FRMPD4: variants seen among roughly 807,000 people sequenced by gnomAD.
FRMPD4 encodes the protein FERM and PDZ domain-containing protein 4.
Under a neutral mutation model 94.1 loss-of-function variants are expected in FRMPD4, and 22 were observed. The ratio of observed to expected loss-of-function variants is 0.23; its 90% CI spans 0.17 to 0.33. The LOEUF is 0.33. Among genes scored for constraint, FRMPD4 ranks in the 10% least tolerant of loss-of-function variants. FRMPD4 has a pLI of 1.00. For synonymous variants in FRMPD4, 631 were observed against 548.6 expected (o/e 1.15, Z -2.10); for missense variants, 1,111 against 1,339.9 (o/e 0.83, Z 2.67).
At chrX:12,114,343 C>A (rs1459569214) in intron 3 of FRMPD4, among the ~76,000 whole-genome samples, 1 of 110,945 alleles carries the variant, frequency 9.0e-6, no homozygotes, top group African/African-American at 3.3e-5. Context: ...GTCGTTTTAG[C>A]GTATGTTTTG....
intron 3 of FRMPD4, among the ~76,000 whole-genome samples, chrX:12,106,546 A>G (rs1011794388): frequency 1.8e-5 from 2 of 111,038 alleles, no homozygotes; most frequent in African/African-American, 3.3e-5. Flanking sequence ...GGCTTGTCGG[A>G]CAGTAGGGGC....
At chrX:12,608,066 T>C in intron 2 of FRMPD4, among the ~76,000 whole-genome samples, 1 of 112,886 alleles carries the variant, frequency 8.9e-6, no homozygotes, top group Non-Finnish European at 1.9e-5. Context: ...TTGAAGAAGA[T>C]TACAGGGAGA....
intron 1 of FRMPD4, among the ~76,000 whole-genome samples, chrX:12,249,359 G>C (rs980131867): frequency 9.0e-6 from 1 of 111,474 alleles, no homozygotes; most frequent in Non-Finnish European, 1.9e-5. Flanking sequence ...ATAGAGAAAA[G>C]GTGGTGTTAA....
At chrX:12,179,248 T>G (rs865794377) in intron 1 of FRMPD4, among the ~76,000 whole-genome samples, 1 of 111,215 alleles carries the variant, frequency 9.0e-6, no homozygotes, top group South Asian at 3.9e-4. Context: ...GACCTAGCTT[T>G]GGAAGGTATA....
intron 1 of FRMPD4, among the ~76,000 whole-genome samples, chrX:11,831,241 G>A (rs1002187672): frequency 2.1e-4 from 23 of 110,851 alleles, no homozygotes; most frequent in Non-Finnish European, 3.2e-4. Flanking sequence ...AACTTAAAGC[G>A]GAATATTACA....
Position 12,138,864 on chromosome X carries a change from C to A in FRMPD4, c.-108C>A. 1.6e-6 allele frequency: 1 copy of A among 622,941 alleles called. No individual in the cohort carries two copies. Among genetic ancestry groups the A allele is most frequent in the Non-Finnish European group, 2.3e-6 (1 of 439,116 alleles). 51.3% of individuals were successfully genotyped at this position (622,941 alleles called of 1,213,427 possible). A position where few individuals can be genotyped will look rare whatever the true frequency, so the allele number is the denominator to read the frequency against. On this transcript the variant is annotated 5_prime_UTR_variant, in exon 1 of 17. An upstream open reading frame in the 5' UTR gains an earlier in-frame stop. Transcript: ENST00000675598. ...GCCGCCACCCGCTGTCGCCGCGACTCGAGCCCCGGGCGCACTGAGGTCTTG... is the reference window on the plus strand; with the variant it reads ...GCCGCCACCCGCTGTCGCCGCGACTAGAGCCCCGGGCGCACTGAGGTCTTG...
intron 1 of FRMPD4, among the ~76,000 whole-genome samples, chrX:12,239,563 TCTC>T (rs1235670952): frequency 2.7e-5 from 3 of 112,288 alleles, no homozygotes; most frequent in African/African-American, 9.7e-5. Context: ...AAGATTTTCT[TCTC>T]CACACAGTCA....
In FRMPD4 at chrX:12,596,124, G is replaced by A. The variant is rs927321597; in HGVS notation, c.159-13597G>A. Among the ~76,000 whole-genome samples, 8 of 111,153 alleles carry A rather than the reference G, an allele frequency of 7.2e-5. 1 individual carries two copies. The highest frequency in any genetic ancestry group is 5.7e-4 in the Admixed American group (6 of 10,436). ...GCAAATTACAGGCTATATGAGGGTCGGATACCTGATTCATCTCTTGAGCTC... is the reference window on the plus strand; with the variant it reads ...GCAAATTACAGGCTATATGAGGGTCAGATACCTGATTCATCTCTTGAGCTC... On this transcript the variant is annotated intron_variant, in intron 2 of 16. Transcript: ENST00000675598.
chrX:12,103,584 A>G (rs747938063), intron 3 of FRMPD4, among the ~76,000 whole-genome samples: 17 of 112,019 alleles, frequency 1.5e-4, no homozygotes, highest in Non-Finnish European at 2.3e-4. Flanking sequence ...GCTGTATTCC[A>G]ATAAAACTTT....
At chrX:12,387,012 AAGAG>A (rs2056405576) in intron 1 of FRMPD4, among the ~76,000 whole-genome samples, 1 of 112,025 alleles carries the variant, frequency 8.9e-6, no homozygotes, top group African/African-American at 3.2e-5. Flanking sequence ...ACAAAACATA[AAGAG>A]AAGCTTTTTT....
chrX:12,281,457 C>G (rs953341468), intron 1 of FRMPD4, among the ~76,000 whole-genome samples: 1 of 110,100 alleles, frequency 9.1e-6, no homozygotes, highest in Non-Finnish European at 1.9e-5. Flanking sequence ...TCACTGCAAC[C>G]TCCACCTCCC....
chrX:12,591,708 C>T (rs965012340), intron 2 of FRMPD4, among the ~76,000 whole-genome samples: 16 of 111,642 alleles, frequency 1.4e-4, no homozygotes, highest in African/African-American at 2.9e-4. Context: ...ATCTAAATAA[C>T]GTGCTTAATT....
chrX:12,273,534 A>G (rs1343586084), intron 1 of FRMPD4, among the ~76,000 whole-genome samples: 1 of 112,539 alleles, frequency 8.9e-6, no homozygotes, highest in East Asian at 2.8e-4. Context: ...ATAATATTTT[A>G]TATGAATGCA....
At chrX:12,491,334 T>C (rs1339215262) in intron 1 of FRMPD4, among the ~76,000 whole-genome samples, 1 of 112,452 alleles carries the variant, frequency 8.9e-6, no homozygotes, top group Non-Finnish European at 1.9e-5. Flanking sequence ...TTAACCACAG[T>C]GTACCCATTC....
chrX:12,131,189 C>G (rs746919892), intron 3 of FRMPD4, among the ~76,000 whole-genome samples: 1 of 112,044 alleles, frequency 8.9e-6, no homozygotes, highest in African/African-American at 3.2e-5. Context: ...ATATAGCAAA[C>G]GTGGTTCTTA....
intron 1 of FRMPD4, among the ~76,000 whole-genome samples, chrX:12,237,673 C>G (rs922312955): frequency 1.8e-5 from 2 of 111,708 alleles, no homozygotes; most frequent in Non-Finnish European, 3.8e-5. Flanking sequence ...TTTTTATCCA[C>G]CCAGAGCTAG....
chrX:12,388,850 T>TATATATATATATATATATACAC (rs1491368741), intron 1 of FRMPD4, among the ~76,000 whole-genome samples: 12 of 73,452 alleles, frequency 1.6e-4, no homozygotes, highest in African/African-American at 7.7e-4. Flanking sequence ...TATATATATA[T>TATATATATATATATATATACAC]ACACACAATG....
At chrX:12,018,608 G>A (rs1208646587) in intron 3 of FRMPD4, among the ~76,000 whole-genome samples, 3 of 109,671 alleles carry the variant, frequency 2.7e-5, no homozygotes, top group East Asian at 2.9e-4. Flanking sequence ...TAGAGATGGG[G>A]GTTTCACCAT....
chrX:12,243,698 T>C, intron 1 of FRMPD4, among the ~76,000 whole-genome samples: 1 of 106,164 alleles, frequency 9.4e-6, no homozygotes, highest in Middle Eastern at 4.3e-3. Flanking sequence ...TGTGGGAAGG[T>C]GAAGCATGAT....
Sources: gnomAD v4.1 joint callset for allele counts (sites outside exome capture counted in the v4.1 genomes callset) on GRCh38, gnomAD v4.1.1 for gene constraint, MANE v1.5 for transcripts, NCBI Gene and HGNC (gene_info 2026-07-23, HGNC 2026-07-21) for gene names.